The following RFX4 variants were observed in gnomAD, a reference collection of about 807,000 sequenced individuals.
RFX4 encodes regulatory factor X4, also known as transcription factor RFX4.
Under a neutral mutation model 95.0 loss-of-function variants are expected in RFX4, and 10 were observed. That is an observed-to-expected ratio of 0.11 (90% confidence interval 0.06 to 0.18). The LOEUF (loss-of-function observed/expected upper bound fraction) is 0.18. RFX4 is among the 10% of genes least tolerant of loss of function. The pLI is 1.00. For missense variants in RFX4, 640 were observed against 922.0 expected (o/e 0.69, Z 3.96); for synonymous variants, 321 against 340.7 (o/e 0.94, Z 0.64).
chr12:106,639,565 G>A (rs531837451), intron 3 of RFX4, among the ~76,000 whole-genome samples, 173 bp downstream of exon 3: 4 of 152,258 alleles, frequency 2.6e-5, no homozygotes, highest in African/African-American at 9.6e-5. Flanking sequence ...CTTAGATCTA[G>A]CCTGGAGATT....
In RFX4 at chr12:106,645,301, C is replaced by T. The variant is rs565238251; in HGVS notation, c.191+5909C>T. On this transcript the variant is annotated intron_variant, in intron 3 of 17. Coordinates refer to ENST00000392842, the MANE Select transcript of RFX4 (RefSeq NM_213594.3). ...ATGCAGAGAATTTCGAAATGGAAAG[C>T]AGCCTGTTCCGCAGTCCCGGCCTAC... 2.0e-5 allele frequency among the ~76,000 whole-genome samples: 3 copies of T among 152,258 alleles called. No individual in the cohort carries two copies. The East Asian group carries it at 5.8e-4, about 29-fold the overall frequency.
chr12:106,583,671 C>G (rs2039409213), intron 1 of RFX4: 1 of 260,700 alleles, frequency 3.8e-6, no homozygotes, highest in African/African-American at 2.2e-5. Flanking sequence ...GCGGCGAGCT[C>G]GAGGTGCCAC....
intron 5 of RFX4, among the ~76,000 whole-genome samples, chr12:106,685,540 A>G (rs1259029629): frequency 6.6e-6 from 1 of 152,168 alleles, no homozygotes; most frequent in Admixed American, 6.5e-5. Flanking sequence ...AATTACCCCT[A>G]TGGTGCTTGA....
At chr12:106,683,483 A>AC (rs1565977718) in intron 5 of RFX4, 4 of 149,116 alleles carry the variant, frequency 2.7e-5, no homozygotes, top group African/African-American at 9.9e-5. Flanking sequence ...AAAAAAAAAA[A>AC]AAAAAAAAAA....
At chr12:106,597,152 C>G (rs1346311743) in intron 1 of RFX4, among the ~76,000 whole-genome samples, 1 of 152,166 alleles carries the variant, frequency 6.6e-6, no homozygotes, top group Non-Finnish European at 1.5e-5. Flanking sequence ...AAGGGCTGTC[C>G]TAAATACAAC....
chr12:106,716,877 A>G (rs920523789), intron 11 of RFX4, among the ~76,000 whole-genome samples: 4 of 151,900 alleles, frequency 2.6e-5, no homozygotes, highest in African/African-American at 9.7e-5. Flanking sequence ...GAGTTGGTGA[A>G]CCTAACTCAA....
At chr12:106,694,892 C>T (rs1365523512) in intron 7 of RFX4, among the ~76,000 whole-genome samples, 1 of 151,986 alleles carries the variant, frequency 6.6e-6, no homozygotes, top group African/African-American at 2.4e-5. Context: ...CAAATATTCG[C>T]CAGGTGTGGT....
intron 11 of RFX4, among the ~76,000 whole-genome samples, chr12:106,715,824 C>T (rs1055861870): frequency 5.9e-5 from 9 of 152,124 alleles, no homozygotes; most frequent in Non-Finnish European, 1.3e-4. Flanking sequence ...ATGCCAGCCC[C>T]GGTTCCATGG....
At chr12:106,753,488 C>T (rs1427105555) in intron 17 of RFX4, among the ~76,000 whole-genome samples, 3 of 152,182 alleles carry the variant, frequency 2.0e-5, no homozygotes. Flanking sequence ...CTGACGCGCA[C>T]GGAGACCCTA....
chr12:106,668,545 A>C (rs2041221159), intron 4 of RFX4, among the ~76,000 whole-genome samples: 1 of 152,212 alleles, frequency 6.6e-6, no homozygotes, highest in South Asian at 2.1e-4. Flanking sequence ...AGCCTGGGCA[A>C]CACAGCGAGA....
intron 9 of RFX4, among the ~76,000 whole-genome samples, chr12:106,709,725 C>G (rs2042156158): frequency 6.6e-6 from 1 of 152,210 alleles, no homozygotes; most frequent in Admixed American, 6.5e-5. Context: ...ACCACCACCA[C>G]CATCCTCCTT....
intron 2 of RFX4, among the ~76,000 whole-genome samples, chr12:106,621,213 T>C (rs1015644587): frequency 6.6e-6 from 1 of 152,170 alleles, no homozygotes; most frequent in Admixed American, 6.5e-5. Context: ...ATAAAAGCAT[T>C]ATTTGGGAAC....
chr12:106,752,408 T>A (rs781603680), intron 17 of RFX4, among the ~76,000 whole-genome samples: 3 of 152,170 alleles, frequency 2.0e-5, no homozygotes, highest in African/African-American at 7.2e-5. Context: ...TCGGCCAGTG[T>A]TCATGCTCCA....
At chr12:106,684,201 T>C (rs1173972715) in intron 5 of RFX4, among the ~76,000 whole-genome samples, 1 of 152,062 alleles carries the variant, frequency 6.6e-6, no homozygotes, top group Non-Finnish European at 1.5e-5. Flanking sequence ...ACCCCATCTC[T>C]ACAAAAAATA....
intron 17 of RFX4, among the ~76,000 whole-genome samples, chr12:106,754,296 G>T (rs2043068418): frequency 6.6e-6 from 1 of 152,158 alleles, no homozygotes; most frequent in South Asian, 2.1e-4. Flanking sequence ...TCCTCACTGT[G>T]ATCCACTGCA....
intron 1 of RFX4, among the ~76,000 whole-genome samples, chr12:106,588,273 G>A (rs2039492429): frequency 2.6e-5 from 4 of 152,126 alleles, no homozygotes; most frequent in Admixed American, 2.6e-4. Context: ...CACCTGCAGT[G>A]CATTCCTTAA....
chr12:106,620,328 C>T (rs147760081), intron 2 of RFX4, among the ~76,000 whole-genome samples: 2,550 of 152,150 alleles, frequency 0.017, 39 homozygotes, highest in Non-Finnish European at 0.027. Flanking sequence ...TAAAGAGAGA[C>T]AGTACAAAGA....
intron 13 of RFX4, among the ~76,000 whole-genome samples, chr12:106,721,941 C>T (rs540493481): frequency 6.6e-6 from 1 of 152,204 alleles, no homozygotes; most frequent in Non-Finnish European, 1.5e-5. Flanking sequence ...ACAGCCCTGT[C>T]CATGAAAGAC....
chr12:106,715,767 A>G (rs1468129346), intron 11 of RFX4, among the ~76,000 whole-genome samples: 1 of 152,070 alleles, frequency 6.6e-6, no homozygotes, highest in African/African-American at 2.4e-5. Flanking sequence ...TTCTGGTGCA[A>G]TTGGGCAGCA....
Sources: allele counts gnomAD v4.1 joint callset (sites outside exome capture counted in the v4.1 genomes callset), GRCh38; gene constraint gnomAD v4.1.1; transcripts MANE v1.5; gene names NCBI Gene and HGNC (gene_info 2026-07-23, HGNC 2026-07-21).